The following VPS53 variants were observed in gnomAD, a reference collection of about 807,000 sequenced individuals.
VPS53 encodes VPS53 subunit of GARP complex.
In VPS53, 70 loss-of-function variants were observed where a neutral mutation model predicts 107.0. The ratio of observed to expected loss-of-function variants is 0.65; its 90% CI spans 0.54 to 0.80. The LOEUF (loss-of-function observed/expected upper bound fraction) is 0.80, where lower values mean the gene tolerates loss of function less well. VPS53 is among the 30% of genes least tolerant of loss of function. The probability of loss-of-function intolerance (pLI) is 0.00; values close to 1 mark genes in which losing one functional copy is unlikely to be tolerated. For synonymous variants in VPS53, 409 were observed against 393.3 expected, an observed-to-expected ratio of 1.04 and a Z score of -0.47; for missense variants, 917 against 1,049.4, an observed-to-expected ratio of 0.87 and a Z score of 1.74.
chr17:661,918 A>G, intron 4 of VPS53, 23 bp from the exon 5 acceptor site: 2 of 1,545,726 alleles, frequency 1.3e-6, no homozygotes, highest in Non-Finnish European at 8.7e-7. Context: ...AAATACATGA[A>G]AAACAAAAAG....
At chr17:597,567 G>T (rs372407306) in intron 12 of VPS53, among the ~76,000 whole-genome samples, 1 of 152,118 alleles carries the variant, frequency 6.6e-6, no homozygotes, top group African/African-American at 2.4e-5. Context: ...TTTTGAGATG[G>T]AGTCTCACTC....
At chr17:544,550 G>A (rs1325987205) in intron 17 of VPS53, among the ~76,000 whole-genome samples, 1 of 152,188 alleles carries the variant, frequency 6.6e-6, no homozygotes, top group Non-Finnish European at 1.5e-5. Context: ...ACAGCTCACT[G>A]CAACCTCTGC....
chr17:530,642 A>G (rs561331817), intron 19 of VPS53, among the ~76,000 whole-genome samples: 2 of 152,328 alleles, frequency 1.3e-5, no homozygotes, highest in South Asian at 4.2e-4. Context: ...TGGGATAGAA[A>G]TGGTGACAGC....
Position 517,175 on chromosome 17 carries a change from G to A in VPS53, c.*1953C>T, listed in dbSNP as rs1248803781. The A allele has an allele frequency of 2.5e-5, 8 of 325,120 alleles. No individual in the cohort carries two copies. Among genetic ancestry groups the A allele is most frequent in the African/African-American group, 1.3e-4 (6 of 47,062 alleles). The allele number at this position is 325,120 out of a possible 1,614,324, so 20.1% of individuals were successfully genotyped here. A position where few individuals can be genotyped will look rare whatever the true frequency, so the allele number is the denominator to read the frequency against. On this transcript the variant is annotated 3_prime_UTR_variant, in exon 22 of 22. Coordinates refer to ENST00000437048, the MANE Select transcript of VPS53 (RefSeq NM_001128159.3). Reference sequence around the variant, plus strand: ...GGGGCTCTCCCGACTGCCGCCCCCCGCCCTTGTCTTATTTGGAATCTTTTC... The same window carrying A: ...GGGGCTCTCCCGACTGCCGCCCCCCACCCTTGTCTTATTTGGAATCTTTTC...
rs541104129 is a variant in VPS53 at position 691,419 on chromosome 17, C to T, written c.285+5999G>A. On this transcript the variant is annotated intron_variant, in intron 4 of 21. Transcript: ENST00000437048. ...GCCAAGCTTCTGCAAGATAATGAAA[C>T]GTCAGAGATGTAATACAAAGGACTC... is the stretch of plus-strand genomic sequence containing the variant. 2.0e-5 allele frequency among the ~76,000 whole-genome samples: 3 copies of T among 152,286 alleles called. No individual in the cohort carries two copies. In the South Asian group the frequency reaches 6.2e-4, roughly 32 times the overall value.
intron 10 of VPS53, among the ~76,000 whole-genome samples, chr17:625,357 G>A (rs1230850571): frequency 2.0e-5 from 3 of 152,030 alleles, no homozygotes; most frequent in Non-Finnish European, 4.4e-5. Flanking sequence ...AGCTACTTGG[G>A]TGGCTGAAGC....
chr17:610,812 C>T lies in VPS53; in HGVS notation c.1117-8916G>A, dbSNP rs1177233916. ...AATTAGCCTGGCATGGTGCTGCGCT[C>T]CTGTGGTCCCAGCTACCCAGGAGAC... is the stretch of plus-strand genomic sequence containing the variant. On this transcript the variant is annotated intron_variant, in intron 11 of 21. Coordinates refer to ENST00000437048, the MANE Select transcript of VPS53 (RefSeq NM_001128159.3). Among the ~76,000 whole-genome samples the T allele has an allele frequency of 2.0e-5, 3 of 151,318 alleles. No individual in the cohort carries two copies. The East Asian group carries it at 5.9e-4, about 30-fold the overall frequency.
At chr17:560,385 C>A in intron 15 of VPS53, 41 bp downstream of exon 15, 1 of 1,593,906 alleles carries the variant, frequency 6.3e-7, no homozygotes, top group South Asian at 1.1e-5. Flanking sequence ...CCAGAGGGTT[C>A]AGGAAAAGGA....
chr17:597,594 G>A (rs1025549317), intron 12 of VPS53, among the ~76,000 whole-genome samples: 2 of 152,150 alleles, frequency 1.3e-5, no homozygotes, highest in Non-Finnish European at 2.9e-5. Context: ...CCAGGCTATA[G>A]TGCAATGGCG....
Position 560,561 on chromosome 17 carries a change from G to A in VPS53, c.1569C>T (p.Ser523=), listed in dbSNP as rs1430958069. The part of the protein sequence containing the change: ...LSGNLPKTTT[S]SGGLTISSLL... Reference sequence around the variant, plus strand: ...GGCTGCTGATAGTCAGTCCTCCACTGCTGGTTGTGGTTCTGAAGAAAAGGA... The same window carrying A: ...GGCTGCTGATAGTCAGTCCTCCACTACTGGTTGTGGTTCTGAAGAAAAGGA... The change falls in exon 15 of 22, where the codon AGC becomes AGT. Residue 523 remains serine (S), a synonymous_variant. Coordinates refer to ENST00000437048, the MANE Select transcript of VPS53 (RefSeq NM_001128159.3). 3.1e-6 allele frequency: 5 copies of A among 1,613,680 alleles called. No homozygotes were observed. Among genetic ancestry groups the A allele is most frequent in the Non-Finnish European group, 4.2e-6 (5 of 1,179,820 alleles).
intron 13 of VPS53, among the ~76,000 whole-genome samples, chr17:581,292 T>C (rs1967001407): frequency 6.7e-6 from 1 of 149,982 alleles, no homozygotes; most frequent in African/African-American, 2.5e-5. Flanking sequence ...AGGACCTCAA[T>C]GCGTTCCCAG....
chr17:659,462 G>C (rs1971355848), intron 5 of VPS53, among the ~76,000 whole-genome samples: 1 of 152,046 alleles, frequency 6.6e-6, no homozygotes, highest in South Asian at 2.1e-4. Flanking sequence ...TGTATTTTTA[G>C]TAGAGACACG....
rs560365657 is a variant in VPS53 at position 643,822 on chromosome 17, T to C, written c.608+9469A>G. On this transcript the variant is annotated intron_variant, in intron 7 of 21. Coordinates refer to ENST00000437048, the MANE Select transcript of VPS53 (RefSeq NM_001128159.3). ...ACTTGGCAACTGAGGACAACACTCA[T>C]ACTTGGAAACCGAGGACAACACTCA... 3.3e-5 allele frequency among the ~76,000 whole-genome samples: 5 copies of C among 152,342 alleles called. No homozygotes were observed. The South Asian group carries it at 1.0e-3, about 32-fold the overall frequency.
intron 11 of VPS53, among the ~76,000 whole-genome samples, chr17:619,871 C>T: frequency 6.9e-6 from 1 of 144,014 alleles, no homozygotes; most frequent in South Asian, 2.2e-4. Context: ...CAGGCGTGCA[C>T]CACCACGCCC....
At chr17:661,708 A>C in intron 5 of VPS53, 101 bp downstream of exon 5, 1 of 1,119,472 alleles carries the variant, frequency 8.9e-7, no homozygotes. Context: ...TCTGGTTGGC[A>C]GGAGGTGCCA....
chr17:662,799 A>AAGAAAGAAAGAAAGAAAAAAAGAAAG (rs1555575878), intron 4 of VPS53, among the ~76,000 whole-genome samples: 19 of 140,736 alleles, frequency 1.4e-4, no homozygotes, highest in Admixed American at 3.0e-4. Context: ...AAGAAAGAGA[A>AAGAAAGAAAGAAAGAAAAAAAGAAAG]AGAAAGAAAA....
Position 519,366 on chromosome 17 carries a change from G to A in VPS53, c.2329-68C>T, listed in dbSNP as rs1186178522. On this transcript the variant is annotated intron_variant, in intron 21 of 21. Transcript: ENST00000437048. This position sits in a 1 kb window ranked among gnomAD's most constrained non-coding sequence, Gnocchi z 5.0. ...AGAATGGCCCACGGGGGACAGCGCAGTATCTGGATATGGGGTCAGCAGAGG... is the reference window on the plus strand; with the variant it reads ...AGAATGGCCCACGGGGGACAGCGCAATATCTGGATATGGGGTCAGCAGAGG... The A allele has an allele frequency of 1.4e-5, 19 of 1,405,852 alleles. No individual in the cohort carries two copies. In the South Asian group the frequency reaches 2.0e-4, roughly 15 times the overall value. 87.1% of individuals were successfully genotyped at this position (1,405,852 alleles called of 1,614,324 possible). A position where few individuals can be genotyped will look rare whatever the true frequency, so the allele number is the denominator to read the frequency against.
intron 17 of VPS53, among the ~76,000 whole-genome samples, chr17:549,234 A>G (rs1911585798): frequency 6.6e-6 from 1 of 152,196 alleles, no homozygotes; most frequent in Admixed American, 6.5e-5. Context: ...CCTAGAAGAA[A>G]CTACACAAAA....
chr17:662,986 G>A (rs1597457125), intron 4 of VPS53, among the ~76,000 whole-genome samples: 3 of 152,038 alleles, frequency 2.0e-5, no homozygotes, highest in South Asian at 2.1e-4. Context: ...CAGGAGGATT[G>A]CTTGAGCCCA....
Sources: gnomAD v4.1 joint callset for allele counts (sites outside exome capture counted in the v4.1 genomes callset) on GRCh38, gnomAD v4.1.1 for gene constraint, Gnocchi (gnomAD v3.1) non-coding constraint, MANE v1.5 for transcripts, NCBI Gene and HGNC (gene_info 2026-07-23, HGNC 2026-07-21) for gene names.